Variants in ADAMTSL1 observed in about 807,000 individuals in gnomAD.
ADAMTSL1 encodes ADAMTS-like protein 1.
A neutral mutation model predicts 201.8 loss-of-function variants in ADAMTSL1; 126 were observed. The observed-to-expected ratio is 0.62, with a 90% CI of 0.54 to 0.72. The LOEUF is 0.72. Among genes scored for constraint, ADAMTSL1 ranks in the 30% least tolerant of loss-of-function variants. The pLI is 0.00. For missense variants in ADAMTSL1, 2,679 were observed against 2,277.8 expected, an observed-to-expected ratio of 1.18 and a Z score of -3.59; for synonymous variants, 1,121 against 903.4, an observed-to-expected ratio of 1.24 and a Z score of -4.32.
chr9:18,885,439 T>C (rs536075762), intron 23 of ADAMTSL1, among the ~76,000 whole-genome samples: 10 of 152,214 alleles, frequency 6.6e-5, no homozygotes, highest in Admixed American at 2.6e-4. Flanking sequence ...ATTTTCTTCT[T>C]TTTGATGCTG....
At chr9:18,189,231 C>T (rs942472655) in intron 2 of ADAMTSL1, among the ~76,000 whole-genome samples, 2 of 152,092 alleles carry the variant, frequency 1.3e-5, no homozygotes, top group African/African-American at 4.8e-5. Context: ...TGCATGAGAA[C>T]ATTGTTCTAA....
chr9:18,559,624 T>C (rs1440997809), intron 3 of ADAMTSL1, among the ~76,000 whole-genome samples: 1 of 152,238 alleles, frequency 6.6e-6, no homozygotes, highest in Non-Finnish European at 1.5e-5. Context: ...ACGATATTGA[T>C]TCTTCCTACC....
intron 2 of ADAMTSL1, among the ~76,000 whole-genome samples, chr9:18,512,016 G>A (rs534664398): frequency 2.0e-5 from 3 of 152,266 alleles, no homozygotes; most frequent in Admixed American, 2.0e-4. Flanking sequence ...CCTTGGGAAT[G>A]TTTGAATTTT....
intron 2 of ADAMTSL1, among the ~76,000 whole-genome samples, chr9:18,240,550 C>T (rs553431908): frequency 6.6e-6 from 1 of 152,156 alleles, no homozygotes; most frequent in East Asian, 1.9e-4. Context: ...CTCTATTAAC[C>T]CATAACAAGA....
At chr9:18,024,644 A>G (rs1047113851) in intron 1 of ADAMTSL1, among the ~76,000 whole-genome samples, 2 of 151,892 alleles carry the variant, frequency 1.3e-5, no homozygotes, top group Non-Finnish European at 2.9e-5. Context: ...TATGTTCCAC[A>G]TTTTCTTTGT....
intron 9 of ADAMTSL1, among the ~76,000 whole-genome samples, chr9:18,671,853 A>T (rs565030575): frequency 1.8e-4 from 28 of 152,090 alleles, no homozygotes; most frequent in East Asian, 5.8e-4. Context: ...CTGGCTAACA[A>T]GGTGAAACCC....
intron 2 of ADAMTSL1, among the ~76,000 whole-genome samples, chr9:18,236,784 C>T (rs1225199114): frequency 6.6e-6 from 1 of 152,176 alleles, no homozygotes; most frequent in East Asian, 1.9e-4. Context: ...TTGGAAAATG[C>T]AAATGCAGTG....
intron 1 of ADAMTSL1, among the ~76,000 whole-genome samples, chr9:17,978,815 C>G (rs1818563672): frequency 6.6e-6 from 1 of 152,070 alleles, no homozygotes; most frequent in Non-Finnish European, 1.5e-5. Context: ...AGGGTCTTCA[C>G]ATTTCAGCTT....
intron 1 of ADAMTSL1, among the ~76,000 whole-genome samples, chr9:18,504,023 A>T (rs1822990666): frequency 1.3e-5 from 2 of 150,834 alleles, no homozygotes; most frequent in South Asian, 4.2e-4. Flanking sequence ...CATGGTTATA[A>T]TATTACCCCA....
chr9:18,498,338 CT>C lies in ADAMTSL1; in HGVS notation c.64-6476del, dbSNP rs1338838478. ...GAAGTATCAATGTTCCCCCCACCCC[CT>C]TTTTTTTTTTTTTTGAGATGGGATT... On this transcript the variant is annotated intron_variant, in intron 1 of 28. Coordinates refer to ENST00000380548, the MANE Select transcript of ADAMTSL1 (RefSeq NM_001040272.6). Among the ~76,000 whole-genome samples, 911 of 141,020 alleles carry C rather than the reference CT, an allele frequency of 6.5e-3. 7 individuals carry two copies. The highest frequency in any genetic ancestry group is 0.021 in the African/African-American group (803 of 38,032). 92.5% of individuals were successfully genotyped at this position (141,020 alleles called of 152,430 possible). A position where few individuals can be genotyped will look rare whatever the true frequency, so the allele number is the denominator to read the frequency against.
At chr9:18,749,136 C>T (rs992055457) in intron 15 of ADAMTSL1, among the ~76,000 whole-genome samples, 4 of 152,166 alleles carry the variant, frequency 2.6e-5, no homozygotes, top group Non-Finnish European at 2.9e-5. Flanking sequence ...TCTACAGTGA[C>T]TCTATTTCCA....
chr9:18,147,594 T>C (rs1045492314), intron 1 of ADAMTSL1, among the ~76,000 whole-genome samples: 4 of 152,284 alleles, frequency 2.6e-5, no homozygotes, highest in Middle Eastern at 3.4e-3. Flanking sequence ...TGATTTCTTA[T>C]AAGTCTCATT....
At chr9:17,983,068 C>CTTTTTTTTTTTTTTTTT (rs1334217552) in intron 1 of ADAMTSL1, among the ~76,000 whole-genome samples, 1 of 97,466 alleles carries the variant, frequency 1.0e-5, no homozygotes, top group Non-Finnish European at 2.0e-5. Context: ...TTCTTTCTTT[C>CTTTTTTTTTTTTTTTTT]TTTCTTTCTT....
At chr9:18,198,863 T>C (rs1829302588) in intron 2 of ADAMTSL1, among the ~76,000 whole-genome samples, 1 of 143,868 alleles carries the variant, frequency 7.0e-6, no homozygotes, top group South Asian at 2.3e-4. Context: ...CCAACCCAAA[T>C]GTCCAACAAT....
At chr9:18,302,661 G>T (rs1030683429) in intron 2 of ADAMTSL1, among the ~76,000 whole-genome samples, 1 of 152,168 alleles carries the variant, frequency 6.6e-6, no homozygotes. Flanking sequence ...GCTGAAAAGA[G>T]TTAACTGCAT....
chr9:18,534,355 C>G (rs770767381), intron 3 of ADAMTSL1, among the ~76,000 whole-genome samples: 5 of 151,928 alleles, frequency 3.3e-5, no homozygotes, highest in Non-Finnish European at 7.4e-5. Flanking sequence ...ATAGCAAAAC[C>G]CTGTCTCTTA....
chr9:18,909,335 G>C lies in ADAMTSL1; in HGVS notation c.*787G>C, dbSNP rs1830484132. 1 of 152,298 alleles carries C rather than the reference G, an allele frequency of 6.6e-6. No individual in the cohort carries two copies. The highest frequency in any genetic ancestry group is 1.9e-4 in the East Asian group (1 of 5,180). 9.4% of individuals were successfully genotyped at this position (152,298 alleles called of 1,614,324 possible). On this transcript the variant is annotated 3_prime_UTR_variant, in exon 29 of 29. Coordinates refer to ENST00000380548, the MANE Select transcript of ADAMTSL1 (RefSeq NM_001040272.6). ...TCCCATGCATGTGCGCATGCTCAGAGCCCTGCTGCCCACAACAGAGCACTG... is the reference window on the plus strand; with the variant it reads ...TCCCATGCATGTGCGCATGCTCAGACCCCTGCTGCCCACAACAGAGCACTG...
chr9:18,815,426 T>C (rs1391221789), intron 20 of ADAMTSL1, among the ~76,000 whole-genome samples: 1 of 150,642 alleles, frequency 6.6e-6, no homozygotes, highest in Non-Finnish European at 1.5e-5. Context: ...GGCTCATGCC[T>C]GTAATCCCAG....
At chr9:18,650,050 C>T (rs994921069) in intron 7 of ADAMTSL1, among the ~76,000 whole-genome samples, 1 of 152,218 alleles carries the variant, frequency 6.6e-6, no homozygotes, top group African/African-American at 2.4e-5. Context: ...CCACCCAGTT[C>T]GAGCTTCCAG....
Sources: allele counts gnomAD v4.1 joint callset (sites outside exome capture counted in the v4.1 genomes callset), GRCh38; gene constraint gnomAD v4.1.1; transcripts MANE v1.5; gene names NCBI Gene and HGNC (gene_info 2026-07-23, HGNC 2026-07-21).